TMEM50B: variants seen among roughly 807,000 people sequenced by gnomAD.
TMEM50B encodes the protein transmembrane protein 50B.
A neutral mutation model predicts 23.4 loss-of-function variants in TMEM50B; 14 were observed. The ratio of observed to expected loss-of-function variants is 0.60; its 90% CI spans 0.39 to 0.93. TMEM50B has a LOEUF of 0.93. TMEM50B is among the 40% of genes least tolerant of loss of function. The pLI is 0.00. For synonymous variants in TMEM50B, 64 were observed against 62.3 expected (o/e 1.03, Z -0.13); for missense variants, 159 against 193.0 (o/e 0.82, Z 1.04).
At chr21:33,435,554 G>T (rs887697564) in intron 8 of TMEM50B, among the ~76,000 whole-genome samples, 1 of 152,126 alleles carries the variant, frequency 6.6e-6, no homozygotes, top group Non-Finnish European at 1.5e-5. Flanking sequence ...GAGTATTAAA[G>T]TGATTACTGA....
At chr21:33,474,223 G>T (rs970843569) in intron 1 of TMEM50B, among the ~76,000 whole-genome samples, 1 of 142,076 alleles carries the variant, frequency 7.0e-6, no homozygotes, top group Non-Finnish European at 1.6e-5. Context: ...TTTTAAGAGA[G>T]ACAGGGTTTC....
chr21:33,436,514 G>A (rs886688934), intron 8 of TMEM50B, among the ~76,000 whole-genome samples: 1 of 152,110 alleles, frequency 6.6e-6, no homozygotes, highest in African/African-American at 2.4e-5. Flanking sequence ...TTTGCGATCA[G>A]GAGTTTGAGA....
chr21:33,448,033 C>T (rs1438342157), downstream of TMEM50B, among the ~76,000 whole-genome samples: 1 of 152,146 alleles, frequency 6.6e-6, no homozygotes, highest in African/African-American at 2.4e-5. Flanking sequence ...CGCTTTGTCA[C>T]CCAAGCTGGA....
intron 6 of TMEM50B, among the ~76,000 whole-genome samples, chr21:33,452,197 CAT>C (rs927869665): frequency 4.6e-5 from 7 of 152,366 alleles, no homozygotes; most frequent in East Asian, 3.8e-4. Flanking sequence ...CTGTCAGTCA[CAT>C]GTCTTTGACA....
Position 33,443,736 on chromosome 21 carries a change from G to A in TMEM50B, c.*2037-4439C>T, listed in dbSNP as rs554042897. ...TTTCTGACTTTGGCATCGTATCGCA[G>A]TGATGTTTGGGGGGAAATATACACA... On this transcript the variant is annotated intron_variant and NMD_transcript_variant, in intron 7 of 8. Transcript: ENST00000420455. Among the ~76,000 whole-genome samples, 11 of 152,318 alleles carry A rather than the reference G, an allele frequency of 7.2e-5. No homozygotes were observed. In the South Asian group the frequency reaches 2.3e-3, roughly 32 times the overall value.
At chr21:33,464,547 T>C (rs1373966276) in intron 4 of TMEM50B, among the ~76,000 whole-genome samples, 1 of 146,152 alleles carries the variant, frequency 6.8e-6, no homozygotes, top group African/African-American at 2.5e-5. Flanking sequence ...GGCTCACTCC[T>C]GTAATCCCAG....
intron 1 of TMEM50B, among the ~76,000 whole-genome samples, chr21:33,475,924 G>A (rs535803850): frequency 4.7e-5 from 7 of 149,286 alleles, no homozygotes; most frequent in Admixed American, 2.7e-4. Flanking sequence ...ACTGCACTCC[G>A]GCCTGGGCAG....
intron 8 of TMEM50B, among the ~76,000 whole-genome samples, chr21:33,437,966 G>A (rs908281964): frequency 6.8e-6 from 1 of 146,194 alleles, no homozygotes; most frequent in Non-Finnish European, 1.5e-5. Context: ...GTGGGAGGCA[G>A]AGCGAGACCC....
At chr21:33,467,159 T>G in intron 2 of TMEM50B, 37 bp from the exon 3 acceptor site, 1 of 1,534,422 alleles carries the variant, frequency 6.5e-7, no homozygotes, top group Non-Finnish European at 9.0e-7. Context: ...ACATTAAAAC[T>G]CTTGCTAGCA....
At chr21:33,459,609 A>G (rs1253143531) in intron 5 of TMEM50B, among the ~76,000 whole-genome samples, 2 of 149,008 alleles carry the variant, frequency 1.3e-5, no homozygotes, top group Non-Finnish European at 3.0e-5. Context: ...CGGAGGTTGC[A>G]GTGAGCCGAG....
At chr21:33,441,096 G>A (rs1222586472) in intron 7 of TMEM50B, among the ~76,000 whole-genome samples, 1 of 151,776 alleles carries the variant, frequency 6.6e-6, no homozygotes, top group Non-Finnish European at 1.5e-5. Flanking sequence ...CCAGCGCAGT[G>A]GCAGGTGCCT....
rs370561087 is a variant in TMEM50B at position 33,478,888 on chromosome 21, AGGAT to A, written c.-42+946_-42+949del. On this transcript the variant is annotated intron_variant, in intron 1 of 6. Coordinates refer to ENST00000542230, the MANE Select transcript of TMEM50B (RefSeq NM_006134.7). ...GTGTCAAGGGATCCACAGTGCAGGTAGGATGAAGAGTCTGAGAAGGGAGATGGGA... is the reference window on the plus strand; with the variant it reads ...GTGTCAAGGGATCCACAGTGCAGGTAGAAGAGTCTGAGAAGGGAGATGGGA... The A allele has an allele frequency of 2.7e-3, 1,233 of 461,130 alleles. 2 individuals are homozygous for A. The highest frequency in any genetic ancestry group is 0.011 in the African/African-American group (545 of 49,380). 28.6% of individuals were successfully genotyped at this position (461,130 alleles called of 1,614,324 possible). A position where few individuals can be genotyped will look rare whatever the true frequency, so the allele number is the denominator to read the frequency against.
chr21:33,434,280 G>A (rs573302555), intron 8 of TMEM50B, among the ~76,000 whole-genome samples: 4 of 152,142 alleles, frequency 2.6e-5, no homozygotes, highest in Admixed American at 2.6e-4. Context: ...CCAGGACTTG[G>A]GGAGGCCAGG....
chr21:33,464,688 C>T (rs2123442748), intron 4 of TMEM50B, among the ~76,000 whole-genome samples: 1 of 150,162 alleles, frequency 6.7e-6, no homozygotes, highest in South Asian at 2.1e-4. Context: ...GCCTGAAATC[C>T]CAGCTCTCGG....
chr21:33,445,701 G>A (rs1296670610), downstream of TMEM50B, among the ~76,000 whole-genome samples: 3 of 152,160 alleles, frequency 2.0e-5, no homozygotes, highest in Non-Finnish European at 4.4e-5. Context: ...GGGAGGCCAA[G>A]GCACGAGAAT....
chr21:33,475,752 A>G (rs935470283), intron 1 of TMEM50B, among the ~76,000 whole-genome samples: 12 of 152,054 alleles, frequency 7.9e-5, no homozygotes, highest in Non-Finnish European at 1.0e-4. Flanking sequence ...CAGGAGAACA[A>G]GACAATCCTG....
chr21:33,447,642 A>G (rs941534288), downstream of TMEM50B, among the ~76,000 whole-genome samples: 8 of 151,416 alleles, frequency 5.3e-5, no homozygotes, highest in African/African-American at 1.7e-4. Flanking sequence ...CATTATGTTG[A>G]TGCAAATCAA....
chr21:33,441,878 G>A (rs1017662466), intron 7 of TMEM50B, among the ~76,000 whole-genome samples: 3 of 152,102 alleles, frequency 2.0e-5, no homozygotes, highest in African/African-American at 7.2e-5. Flanking sequence ...TGATCCACCT[G>A]CCTCAACCTT....
chr21:33,470,969 C>G (rs1301823258), intron 1 of TMEM50B, among the ~76,000 whole-genome samples: 1 of 152,140 alleles, frequency 6.6e-6, no homozygotes, highest in Non-Finnish European at 1.5e-5. Flanking sequence ...CCATTCCCAG[C>G]CCAGGGAGTC....
Sources: allele counts gnomAD v4.1 joint callset (sites outside exome capture counted in the v4.1 genomes callset), GRCh38; gene constraint gnomAD v4.1.1; transcripts MANE v1.5; gene names NCBI Gene and HGNC (gene_info 2026-07-23, HGNC 2026-07-21).